The following MICALL1 variants were observed in gnomAD, a reference collection of about 807,000 sequenced individuals.
MICALL1 encodes MICAL like 1.
A neutral mutation model predicts 83.7 loss-of-function variants in MICALL1; 61 were observed. The ratio of observed to expected loss-of-function variants is 0.73; its 90% CI spans 0.59 to 0.90. The LOEUF (loss-of-function observed/expected upper bound fraction) is 0.90. Ranked by LOEUF, MICALL1 falls within the 40% of genes least tolerant of loss-of-function variation. The probability of loss-of-function intolerance (pLI) is 0.00; values close to 1 mark genes in which losing one functional copy is unlikely to be tolerated. For synonymous variants in MICALL1, 481 were observed against 473.6 expected, an observed-to-expected ratio of 1.02 and a Z score of -0.20; for missense variants, 1,066 against 1,152.0, an observed-to-expected ratio of 0.93 and a Z score of 1.08.
At chr22:37,933,164 A>T (rs1294810975) in intron 13 of MICALL1, 52 bp downstream of exon 13, 1 of 1,579,264 alleles carries the variant, frequency 6.3e-7, no homozygotes, top group Admixed American at 1.7e-5. Context: ...GCCTGGTGAC[A>T]CGGAGGAGTG....
At chr22:37,936,526 C>A (rs983059322) in intron 13 of MICALL1, among the ~76,000 whole-genome samples, 1 of 152,178 alleles carries the variant, frequency 6.6e-6, no homozygotes, top group Admixed American at 6.5e-5. Flanking sequence ...CTGCTGGGGC[C>A]CCTTGCAGGG....
In MICALL1 at chr22:37,924,873, C is replaced by T. The variant is rs1353531085; in HGVS notation, c.1082+156C>T. 6.6e-6 allele frequency among the ~76,000 whole-genome samples: 1 copy of T among 152,120 alleles called. No homozygotes were observed. The highest frequency in any genetic ancestry group is 6.5e-5 in the Admixed American group (1 of 15,286). ...TGGGCCCACACCCCTTCTCCTGAGG[C>T]TCACCCCGGGATTCCTGCGGCCAGT... On this transcript the variant is annotated intron_variant, in intron 7 of 15. Coordinates refer to ENST00000215957, the MANE Select transcript of MICALL1 (RefSeq NM_033386.4). This position sits in a 1 kb window ranked among gnomAD's most constrained non-coding sequence, Gnocchi z 5.2.
Position 37,919,141 on chromosome 22 carries a change from C to A in MICALL1, c.532C>A (p.Leu178Met). 1 of 1,549,700 alleles carries A rather than the reference C, an allele frequency of 6.5e-7. No individual in the cohort carries two copies. ...GCATGTGCACTTGGTGCAGCGCTAC[C>A]TGGCTGACGGCAGGCTGTACCATCG... ...QQHVHLVQRY[L>M]ADGRLYHRHC... The change falls in exon 5 of 16, where the codon CTG becomes ATG. Residue 178 changes from leucine to methionine, a missense_variant. Transcript: ENST00000215957.
chr22:37,909,908 C>T (rs1928209370), intron 1 of MICALL1, among the ~76,000 whole-genome samples: 1 of 152,258 alleles, frequency 6.6e-6, no homozygotes, highest in Admixed American at 6.5e-5. Context: ...TAAATTGGTT[C>T]AGGCTTCTGG....
chr22:37,926,155 A>C (rs1277994879), intron 8 of MICALL1, 112 bp downstream of exon 8: 1 of 1,318,676 alleles, frequency 7.6e-7, no homozygotes, highest in Non-Finnish European at 1.0e-6. Context: ...CACGTGTTTC[A>C]TGGGTGACTT....
chr22:37,909,508 G>A (rs1246707508), intron 1 of MICALL1, among the ~76,000 whole-genome samples: 1 of 150,504 alleles, frequency 6.6e-6, no homozygotes, highest in African/African-American at 2.4e-5. Context: ...ACAGGTGCCC[G>A]CCACCATGCC....
In MICALL1 at chr22:37,933,085, G is replaced by A; in HGVS notation, c.2281G>A (p.Glu761Lys). ...LEQRQADVEY[E>K]LRCLLNKPEK... ...GCAGCGCCAGGCTGATGTCGAGTAT[G>A]AGCTCCGGTGCCTCCTCAATAAGCC... The change falls in exon 13 of 16, where the codon GAG becomes AAG. Residue 761 changes from glutamate to lysine, a missense_variant. Glu to Lys is a moderately conservative substitution (Grantham distance 56). Coordinates refer to ENST00000215957, the MANE Select transcript of MICALL1 (RefSeq NM_033386.4). The A allele has an allele frequency of 6.2e-7, 1 of 1,613,930 alleles. No homozygotes were observed. The highest frequency in any genetic ancestry group is 1.6e-4 in the Middle Eastern group (1 of 6,062).
In MICALL1 at chr22:37,942,179, A is replaced by C. The variant is rs1038361739; in HGVS notation, c.*1349A>C. 1 of 152,288 alleles carries C rather than the reference A, an allele frequency of 6.6e-6. No individual in the cohort carries two copies. The highest frequency in any genetic ancestry group is 2.4e-5 in the African/African-American group (1 of 41,468). The allele number at this position is 152,288 out of a possible 1,614,324, so 9.4% of individuals were successfully genotyped here. On this transcript the variant is annotated 3_prime_UTR_variant, in exon 16 of 16. Coordinates refer to ENST00000215957, the MANE Select transcript of MICALL1 (RefSeq NM_033386.4). ...ACTGGGCAGGATCCCTTTCCTCTGC[A>C]GGGAGAGGTGGCTCCTCGGCCATGC... is the stretch of plus-strand genomic sequence containing the variant.
intron 8 of MICALL1, chr22:37,927,166 G>T: frequency 2.0e-6 from 1 of 505,714 alleles, no homozygotes; most frequent in Non-Finnish European, 3.5e-6. Context: ...GCTATGGGGA[G>T]TGTGGGGAAG....
intron 5 of MICALL1, among the ~76,000 whole-genome samples, chr22:37,921,677 C>T (rs1017469840): frequency 4.6e-5 from 7 of 152,258 alleles, no homozygotes; most frequent in African/African-American, 1.7e-4. Context: ...TGCAGCCACT[C>T]ACTGGATGCC....
At chr22:37,911,038 G>T (rs139896582) in intron 1 of MICALL1, among the ~76,000 whole-genome samples, 1,077 of 152,320 alleles carry the variant, frequency 7.1e-3, no homozygotes, top group Non-Finnish European at 0.012. Flanking sequence ...GCTGCCCGGC[G>T]GGAAGACTGA....
intron 10 of MICALL1, 52 bp downstream of exon 10, chr22:37,931,985 ACT>A: frequency 6.3e-7 from 1 of 1,586,976 alleles, no homozygotes; most frequent in Non-Finnish European, 8.6e-7. Flanking sequence ...GGCAACCCCC[ACT>A]CTGCAGCTGC....
At position 37,906,683 on chromosome 22, in the gene MICALL1, AGACGCCGACCCCCCCGACGGCCCCG is replaced by A. The variant is rs1406382496; in HGVS notation, c.146+123_146+147del. The A allele has an allele frequency of 2.1e-6, 2 of 969,718 alleles. No individual in the cohort carries two copies. Among genetic ancestry groups the A allele is most frequent in the East Asian group, 5.2e-5 (1 of 19,064 alleles). 60.1% of individuals were successfully genotyped at this position (969,718 alleles called of 1,614,324 possible). ...TGACAGGCGCCGCCCCCGGACACGG[AGACGCCGACCCCCCCGACGGCCCCG>A]GACGCCGGGCGGGTCCCTGAGACCC... is the stretch of plus-strand genomic sequence containing the variant. On this transcript the variant is annotated intron_variant, in intron 1 of 15. Coordinates refer to ENST00000215957, the MANE Select transcript of MICALL1 (RefSeq NM_033386.4). The surrounding 1 kb of genome is among the most constrained non-coding windows in gnomAD (Gnocchi z 4.4).
chr22:37,918,011 A>G (rs1305290955), intron 4 of MICALL1, among the ~76,000 whole-genome samples: 1 of 152,188 alleles, frequency 6.6e-6, no homozygotes, highest in East Asian at 1.9e-4. Flanking sequence ...TTCTATGGGC[A>G]GGGAGCCCTA....
At chr22:37,925,569 C>T (rs932482354) in intron 7 of MICALL1, 92 bp from the exon 8 acceptor site, 1 of 802,292 alleles carries the variant, frequency 1.2e-6, no homozygotes, top group South Asian at 1.8e-5. Context: ...TCTCATCCAC[C>T]CCCTTTGAAG....
chr22:37,940,888 C>T lies in MICALL1; in HGVS notation c.*58C>T, dbSNP rs772406576. 6.1e-4 allele frequency: 976 copies of T among 1,604,892 alleles called. 2 individuals are homozygous for T. The highest frequency in any genetic ancestry group is 7.6e-4 in the Non-Finnish European group (897 of 1,174,862). ...CCTGGAGCAGCTCCTGGGCTGTGCT[C>T]TGTTTGAAGGGGGCGCCCTGCTCCC... On this transcript the variant is annotated 3_prime_UTR_variant, in exon 16 of 16. Transcript: ENST00000215957.
chr22:37,906,359 G>A lies in MICALL1; in HGVS notation c.-64G>A, dbSNP rs1927936521. 4 of 1,008,210 alleles carry A rather than the reference G, an allele frequency of 4.0e-6. No individual in the cohort carries two copies. In the South Asian group the frequency reaches 1.3e-4, roughly 34 times the overall value. 62.5% of individuals were successfully genotyped at this position (1,008,210 alleles called of 1,614,324 possible). A position where few individuals can be genotyped will look rare whatever the true frequency, so the allele number is the denominator to read the frequency against. On this transcript the variant is annotated 5_prime_UTR_variant, in exon 1 of 16. Coordinates refer to ENST00000215957, the MANE Select transcript of MICALL1 (RefSeq NM_033386.4). The surrounding 1 kb of genome is among the most constrained non-coding windows in gnomAD (Gnocchi z 4.4). ...CAGCCGGAAACCGGGCCCGCGCGGC[G>A]GCCGCCGTCCCGGCCAAGCCGGGGC... is the stretch of plus-strand genomic sequence containing the variant.
At position 37,940,802 on chromosome 22, in the gene MICALL1, A is replaced by G; in HGVS notation, c.2564A>G (p.Lys855Arg). 1 of 1,614,142 alleles carries G rather than the reference A, an allele frequency of 6.2e-7. No individual in the cohort carries two copies. Among genetic ancestry groups the G allele is most frequent in the Non-Finnish European group, 8.5e-7 (1 of 1,179,972 alleles). Residue 855 changes from lysine (K) to arginine (R), a missense_variant, in exon 16 of 16, where the codon AAG becomes AGG. By Grantham distance (26) the Lys-to-Arg change is conservative (BLOSUM62 2). Coordinates refer to ENST00000215957, the MANE Select transcript of MICALL1 (RefSeq NM_033386.4). ...CTGCTAGGAAACAAACGTGATGCCA[A>G]GAGCAAGTCCCCCAGAGACAAGAGC... ...LKLLGNKRDA[K>R]SKSPRDKS
At chr22:37,922,781 G>GTTTT (rs1569141679) in intron 6 of MICALL1, among the ~76,000 whole-genome samples, 1 of 82,812 alleles carries the variant, frequency 1.2e-5, no homozygotes, top group African/African-American at 4.6e-5. Flanking sequence ...AGCTAATTTT[G>GTTTT]TTTTGTTTTT....
Sources: allele counts gnomAD v4.1 joint callset (sites outside exome capture counted in the v4.1 genomes callset), GRCh38; gene constraint gnomAD v4.1.1; non-coding constraint Gnocchi (gnomAD v3.1); transcripts MANE v1.5; gene names NCBI Gene and HGNC (gene_info 2026-07-23, HGNC 2026-07-21).